The following MORC3 variants were observed in gnomAD, a reference collection of about 807,000 sequenced individuals.
MORC3 encodes MORC family CW-type zinc finger 3.
In MORC3, 31 loss-of-function variants were observed where a neutral mutation model predicts 109.1. The ratio of observed to expected loss-of-function variants is 0.28; its 90% confidence interval spans 0.21 to 0.38. The LOEUF is 0.38. Ranked by LOEUF, MORC3 falls within the 10% of genes least tolerant of loss-of-function variation. MORC3 has a pLI of 1.00. For synonymous variants in MORC3, 395 were observed against 380.7 expected (o/e 1.04, Z -0.44); for missense variants, 867 against 1,135.8 (o/e 0.76, Z 3.40).
chr21:36,344,686 T>C lies in MORC3; in HGVS notation c.864T>C (p.Asp288=), dbSNP rs1050700255. ...VSKSLAYIER[D]VYRPKFLSKT... is the part of the protein sequence containing the mutation. ...AGAGTCTTGCCTACATCGAACGTGATGTTTATCGACCAAAATTTTTAGTAT... is the reference window on the plus strand; with the variant it reads ...AGAGTCTTGCCTACATCGAACGTGACGTTTATCGACCAAAATTTTTAGTAT... The change falls in exon 7 of 17, where the codon GAT becomes GAC. Residue 288 remains aspartate, a synonymous_variant. Coordinates refer to ENST00000400485, the MANE Select transcript of MORC3 (RefSeq NM_015358.3). 1 of 1,613,782 alleles carries C rather than the reference T, an allele frequency of 6.2e-7. No individual in the cohort carries two copies. The highest frequency in any genetic ancestry group is 8.5e-7 in the Non-Finnish European group (1 of 1,179,968).
At chr21:36,368,933 A>G in intron 14 of MORC3, 55 bp from the exon 15 acceptor site, 1 of 1,415,636 alleles carries the variant, frequency 7.1e-7, no homozygotes, top group Non-Finnish European at 9.5e-7. Flanking sequence ...CTTCAAGGTC[A>G]TCTATTTTGT....
chr21:36,354,247 A>G (rs1207097605), intron 9 of MORC3, among the ~76,000 whole-genome samples: 3 of 151,834 alleles, frequency 2.0e-5, no homozygotes, highest in African/African-American at 2.4e-5. Context: ...AGAGGCAGGC[A>G]CACTCAGTTT....
intron 1 of MORC3, among the ~76,000 whole-genome samples, chr21:36,325,288 C>G (rs538227122): frequency 1.3e-5 from 2 of 152,122 alleles, no homozygotes; most frequent in Non-Finnish European, 2.9e-5. Context: ...TTGCTAAGAA[C>G]CAAATAGAAC....
intron 10 of MORC3, among the ~76,000 whole-genome samples, chr21:36,359,670 C>T (rs566223567): frequency 1.3e-5 from 2 of 150,734 alleles, no homozygotes; most frequent in South Asian, 2.1e-4. Flanking sequence ...CCTCCCACCT[C>T]AGCCTCCCAA....
rs775535494 is a variant in MORC3, at chr21:36,356,607, T to C, written c.1104-13T>C. 5 of 1,542,994 alleles carry C rather than the reference T, an allele frequency of 3.2e-6. No individual in the cohort carries two copies. The highest frequency in any genetic ancestry group is 4.4e-6 in the Non-Finnish European group (5 of 1,138,156). On this transcript the variant is annotated splice_polypyrimidine_tract_variant and intron_variant, in intron 9 of 16. Coordinates refer to ENST00000400485, the MANE Select transcript of MORC3 (RefSeq NM_015358.3). ...AAAGAATTTTTTCTTGATTTTATGA[T>C]TTACTTTTTAAGACTTACAATAACA...
rs772928832 is a variant in MORC3 at position 36,337,943 on chromosome 21, C to G, written c.457C>G (p.His153Asp). 9 of 1,612,616 alleles carry G rather than the reference C, an allele frequency of 5.6e-6. No individual in the cohort carries two copies. The highest frequency in any genetic ancestry group is 7.6e-6 in the Non-Finnish European group (9 of 1,179,504). Residue 153 changes from histidine to aspartate, a missense_variant, in exon 4 of 17, where the codon CAC becomes GAC. By Grantham distance (81) the His-to-Asp change is moderately conservative (BLOSUM62 -1). Around this residue, in one of 7 missense-constraint regions of MORC3, gnomAD observed 134 missense variants for 166.6 expected, o/e 0.80. Transcript: ENST00000400485. ...VVVPIVAFNK[H>D]RQMINLAESK... ...TGTTCCAATAGTGGCATTCAACAAG[C>G]ACCATATCCTTTTGGTTGTGAAATA...
At chr21:36,369,914 G>C in intron 15 of MORC3, 38 bp downstream of exon 15, 1 of 1,587,414 alleles carries the variant, frequency 6.3e-7, no homozygotes, top group Non-Finnish European at 8.5e-7. Context: ...ATGGAGTCCA[G>C]GGCCATTTAA....
rs1335302979 is a variant in MORC3, at chr21:36,336,262, A to C, written c.113-612A>C. On this transcript the variant is annotated intron_variant, in intron 2 of 16. Coordinates refer to ENST00000400485, the MANE Select transcript of MORC3 (RefSeq NM_015358.3). ...TTTTTGTTTTTGTTTTTGTTTTTGG[A>C]GACAGAGTCTTGCTGTGTTGCCCAG... Among the ~76,000 whole-genome samples the C allele has an allele frequency of 2.0e-5, 3 of 146,438 alleles. No individual in the cohort carries two copies. In the East Asian group the frequency reaches 6.4e-4, roughly 31 times the overall value.
At chr21:36,328,818 A>G (rs1389886980) in intron 1 of MORC3, among the ~76,000 whole-genome samples, 1 of 151,430 alleles carries the variant, frequency 6.6e-6, no homozygotes, top group Non-Finnish European at 1.5e-5. Flanking sequence ...TCCCTGGGCC[A>G]CATTGGAAGA....
chr21:36,370,418 G>T (rs1384253382), intron 15 of MORC3, among the ~76,000 whole-genome samples: 1 of 151,694 alleles, frequency 6.6e-6, no homozygotes, highest in Non-Finnish European at 1.5e-5. Flanking sequence ...TAAATGTCCT[G>T]TTCAGAATAC....
Position 36,376,439 on chromosome 21 carries a change from C to T in MORC3, c.*1143C>T, listed in dbSNP as rs550295370. The T allele has an allele frequency of 9.2e-5, 14 of 152,086 alleles. No individual in the cohort carries two copies. Among genetic ancestry groups the T allele is most frequent in the Admixed American group, 5.9e-4 (9 of 15,234 alleles). The allele number at this position is 152,086 out of a possible 1,614,324, so 9.4% of individuals were successfully genotyped here. On this transcript the variant is annotated 3_prime_UTR_variant, in exon 17 of 17. Coordinates refer to ENST00000400485, the MANE Select transcript of MORC3 (RefSeq NM_015358.3). ...GTTCATTTTGTATGTATGCTTAATA[C>T]GTGTCGGTCATATACAGTATTGAAT...
At chr21:36,372,032 T>TA (rs925136565) in intron 15 of MORC3, among the ~76,000 whole-genome samples, 3 of 152,076 alleles carry the variant, frequency 2.0e-5, no homozygotes, top group African/African-American at 7.2e-5. Flanking sequence ...AGGCTGGTCT[T>TA]AAACTCCTGA....
intron 8 of MORC3, among the ~76,000 whole-genome samples, chr21:36,348,848 G>GT (rs903899215): frequency 1.3e-5 from 2 of 151,576 alleles, no homozygotes; most frequent in African/African-American, 2.4e-5. Flanking sequence ...ACCTACCAGT[G>GT]TTTTTTTCAG....
chr21:36,326,060 A>G (rs991731757), intron 1 of MORC3, among the ~76,000 whole-genome samples: 1 of 150,026 alleles, frequency 6.7e-6, no homozygotes, highest in African/African-American at 2.5e-5. Context: ...TACAAAAATT[A>G]TTTGGGCATG....
At chr21:36,352,945 A>G (rs991465452) in intron 9 of MORC3, among the ~76,000 whole-genome samples, 8 of 151,476 alleles carry the variant, frequency 5.3e-5, no homozygotes, top group African/African-American at 1.9e-4. Context: ...CTTTCCAGCC[A>G]GGGTGACAGA....
At chr21:36,343,873 TA>T (rs1273656179) in intron 6 of MORC3, among the ~76,000 whole-genome samples, 1 of 152,112 alleles carries the variant, frequency 6.6e-6, no homozygotes, top group Non-Finnish European at 1.5e-5. Flanking sequence ...GTAATAGTAA[TA>T]GTAAATAGTA....
chr21:36,360,113 C>T (rs1236617674), intron 11 of MORC3, 36 bp downstream of exon 11: 10 of 1,613,858 alleles, frequency 6.2e-6, no homozygotes, highest in East Asian at 2.2e-5. Flanking sequence ...TTTGGAAAGA[C>T]GGAAAGTACT....
At chr21:36,349,482 T>A in intron 9 of MORC3, 74 bp downstream of exon 9, 1 of 944,664 alleles carries the variant, frequency 1.1e-6, no homozygotes, top group South Asian at 1.7e-5. Flanking sequence ...ACTACTCTAT[T>A]TTCTGTGAAT....
chr21:36,353,747 A>ATTTTTTT (rs1569101617), intron 9 of MORC3, among the ~76,000 whole-genome samples: 4 of 65,512 alleles, frequency 6.1e-5, no homozygotes, highest in African/African-American at 1.7e-4. Flanking sequence ...AGCCCGGCTA[A>ATTTTTTT]TTTTTGTATT....
Sources: allele counts gnomAD v4.1 joint callset (sites outside exome capture counted in the v4.1 genomes callset), GRCh38; gene constraint gnomAD v4.1.1; regional missense constraint gnomAD v4.1.1; transcripts MANE v1.5; gene names NCBI Gene and HGNC (gene_info 2026-07-23, HGNC 2026-07-21).